The following NSD2 variants were observed in gnomAD, a reference collection of about 807,000 sequenced individuals.
NSD2 encodes the protein nuclear receptor binding SET domain protein 2, also known as histone-lysine N-methyltransferase NSD2.
A neutral mutation model predicts 139.0 loss-of-function variants in NSD2; 12 were observed. The observed-to-expected ratio is 0.09, with a 90% CI of 0.06 to 0.14. The LOEUF is 0.14. Among genes scored for constraint, NSD2 ranks in the 10% least tolerant of loss-of-function variants. NSD2 has a pLI of 1.00. For missense variants in NSD2, 1,155 were observed against 1,745.0 expected (o/e 0.66, Z 6.02); for synonymous variants, 669 against 648.7 (o/e 1.03, Z -0.48).
intron 9 of NSD2, among the ~76,000 whole-genome samples, chr4:1,950,294 G>A (rs1454791247): frequency 6.6e-6 from 1 of 152,130 alleles, no homozygotes; most frequent in African/African-American, 2.4e-5. Flanking sequence ...GGAGAGAGAG[G>A]CAGAAGAGAT....
At chr4:1,916,787 A>G in intron 3 of NSD2, 84 bp from the exon 4 acceptor site, 12 of 1,407,556 alleles carry the variant, frequency 8.5e-6, no homozygotes, top group Non-Finnish European at 1.2e-5. Context: ...CACCAAGGGA[A>G]ACAACTGCAA....
chr4:1,952,321 A>G (rs1224908993), intron 11 of NSD2, 90 bp downstream of exon 11: 3 of 1,566,576 alleles, frequency 1.9e-6, no homozygotes, highest in Admixed American at 3.5e-5. Context: ...AGCTGCCTGC[A>G]GAGGACAAGC....
intron 1 of NSD2, chr4:1,887,819 CTG>C (rs1466577968): frequency 1.3e-5 from 2 of 152,054 alleles, no homozygotes; most frequent in Non-Finnish European, 2.9e-5. Context: ...TTCCATGTAT[CTG>C]TTACTAATTC....
rs548716728 is a variant in NSD2, at chr4:1,947,360, G to A, written c.1882-3712G>A. The stretch of plus-strand genomic sequence containing the variant: ...CACCTGCTTGGGGCTATGTGGCTAC[G>A]GCTACACAAAAGCCTGTGCAGGTTA... On this transcript the variant is annotated intron_variant, in intron 9 of 21. Transcript: ENST00000508803. 12 of 1,061,614 alleles carry A rather than the reference G, an allele frequency of 1.1e-5. No individual in the cohort carries two copies. The African/African-American group carries it at 1.3e-4, about 12-fold the overall frequency. The allele number at this position is 1,061,614 out of a possible 1,614,324, so 65.8% of individuals were successfully genotyped here.
intron 3 of NSD2, among the ~76,000 whole-genome samples, chr4:1,916,245 T>C (rs1644474005): frequency 6.6e-6 from 1 of 152,238 alleles, no homozygotes; most frequent in Admixed American, 6.5e-5. Flanking sequence ...CTCTCACTCC[T>C]TTCTTGCACA....
chr4:1,930,537 A>T, intron 5 of NSD2, 89 bp from the exon 6 acceptor site: 1 of 1,376,070 alleles, frequency 7.3e-7, no homozygotes, highest in Non-Finnish European at 9.7e-7. Context: ...ACTAAGTTCT[A>T]AAGGGCCGTG....
chr4:1,945,817 C>G, intron 9 of NSD2: 1 of 1,064,092 alleles, frequency 9.4e-7, no homozygotes, highest in Non-Finnish European at 1.1e-6. Flanking sequence ...ATTCCCCTCG[C>G]TGGAGAGGCT....
At chr4:1,927,531 C>T (rs1577462618) in intron 5 of NSD2, among the ~76,000 whole-genome samples, 1 of 151,550 alleles carries the variant, frequency 6.6e-6, no homozygotes. Flanking sequence ...CAGCCTGGCC[C>T]ACATGGTGAA....
At chr4:1,936,717 G>C (rs1722448503) in intron 7 of NSD2, among the ~76,000 whole-genome samples, 1 of 150,400 alleles carries the variant, frequency 6.6e-6, no homozygotes, top group African/African-American at 2.4e-5. Flanking sequence ...GTATATTTGT[G>C]ATTTTGAGTA....
intron 1 of NSD2, among the ~76,000 whole-genome samples, chr4:1,893,491 C>T (rs1459348376): frequency 6.6e-6 from 1 of 151,926 alleles, no homozygotes; most frequent in Admixed American, 6.6e-5. Context: ...AATAAATAAA[C>T]TCTCAGTCTT....
chr4:1,901,319 C>T (rs937489511), intron 2 of NSD2, 68 bp downstream of exon 2: 66 of 1,348,766 alleles, frequency 4.9e-5, no homozygotes, highest in Non-Finnish European at 6.6e-5. Context: ...CCTATGAGGG[C>T]ACCTGCACGA....
At chr4:1,935,078 C>CA in intron 6 of NSD2, 66 bp from the exon 7 acceptor site, 1 of 1,336,944 alleles carries the variant, frequency 7.5e-7, no homozygotes, top group South Asian at 1.3e-5. Context: ...GGTAGGTTCT[C>CA]ACAGTGCTTC....
chr4:1,969,131 G>A (rs570396559), intron 18 of NSD2, among the ~76,000 whole-genome samples: 7 of 152,326 alleles, frequency 4.6e-5, no homozygotes, highest in Admixed American at 3.9e-4. Context: ...TGCCCCCAGC[G>A]GCGCTGAGAG....
Position 1,939,795 on chromosome 4 carries a change from A to G in NSD2, c.1881+17A>G, listed in dbSNP as rs374943425. ...GAGAATGAGGTAAAATAATAATAAT[A>G]ACGATAACCATGGCATTGGTATGAA... On this transcript the variant is annotated intron_variant, in intron 9 of 21. Transcript: ENST00000508803. 2.4e-5 allele frequency: 39 copies of G among 1,614,062 alleles called. No individual in the cohort carries two copies. Among genetic ancestry groups the G allele is most frequent in the Non-Finnish European group, 3.2e-5 (38 of 1,180,032 alleles).
intron 18 of NSD2, among the ~76,000 whole-genome samples, chr4:1,962,099 GT>G (rs1725428160): frequency 6.6e-6 from 1 of 152,232 alleles, no homozygotes; most frequent in African/African-American, 2.4e-5. Flanking sequence ...AATAAGAATG[GT>G]TCCAGGAACC....
At chr4:1,894,833 T>C (rs1439067272) in intron 1 of NSD2, among the ~76,000 whole-genome samples, 1 of 152,212 alleles carries the variant, frequency 6.6e-6, no homozygotes, top group East Asian at 1.9e-4. Flanking sequence ...TTAAAGCATT[T>C]AGTTCTATGG....
chr4:1,924,986 C>T (rs1341375422), intron 5 of NSD2, among the ~76,000 whole-genome samples: 1 of 152,332 alleles, frequency 6.6e-6, no homozygotes, highest in South Asian at 2.1e-4. Context: ...CCTGCCCACC[C>T]CTGGTTCCTG....
chr4:1,891,475 G>A (rs1435210899), intron 1 of NSD2, among the ~76,000 whole-genome samples: 2 of 152,118 alleles, frequency 1.3e-5, no homozygotes, highest in African/African-American at 2.4e-5. Flanking sequence ...TTGGATTCAC[G>A]GAATTATCAG....
chr4:1,942,818 G>C lies in NSD2; in HGVS notation c.1881+3040G>C. ...CCTCAGAAACAAACTAACAGCACAC[G>C]TTAGGAGGAGTCCTCATCAGCTGTT... On this transcript the variant is annotated intron_variant, in intron 9 of 21. Coordinates refer to ENST00000508803, the MANE Select transcript of NSD2 (RefSeq NM_001042424.3). The surrounding 1 kb of genome is among the most constrained non-coding windows in gnomAD (Gnocchi z 4.0). 1 of 1,073,024 alleles carries C rather than the reference G, an allele frequency of 9.3e-7. No homozygotes were observed. Among genetic ancestry groups the C allele is most frequent in the Non-Finnish European group, 1.1e-6 (1 of 883,426 alleles). 66.5% of individuals were successfully genotyped at this position (1,073,024 alleles called of 1,614,324 possible).
Sources: allele counts gnomAD v4.1 joint callset (sites outside exome capture counted in the v4.1 genomes callset), GRCh38; gene constraint gnomAD v4.1.1; non-coding constraint Gnocchi (gnomAD v3.1); transcripts MANE v1.5; gene names NCBI Gene and HGNC (gene_info 2026-07-23, HGNC 2026-07-21).